Variants in SPEN observed in about 807,000 individuals in gnomAD.
SPEN encodes msx2-interacting protein.
SPEN carries 18 observed loss-of-function variants against 269.9 expected under a neutral mutation model. The ratio of observed to expected loss-of-function variants is 0.07; its 90% CI spans 0.05 to 0.10. SPEN has a LOEUF of 0.10. Among genes scored for constraint, SPEN ranks in the 10% least tolerant of loss-of-function variants. The pLI, the probability that SPEN is intolerant of heterozygous loss-of-function variation, is 1.00. For synonymous variants in SPEN, 1,726 were observed against 1,765.7 expected (o/e 0.98, Z 0.56); for missense variants, 3,822 against 4,631.2 (o/e 0.83, Z 5.07).
At chr1:15,864,489 TAATATTGTAAGCAGTGTTGTAGTAAGCAA>T (rs2070479652) in intron 1 of SPEN, among the ~76,000 whole-genome samples, 1 of 150,500 alleles carries the variant, frequency 6.6e-6, no homozygotes. Context: ...TTTTTTTTTT[TAATATTGTAAGCAGTGTTGTAGTAAGCAA>T]TTTTGTACTC....
intron 3 of SPEN, among the ~76,000 whole-genome samples, chr1:15,885,967 A>G (rs2070733092): frequency 1.3e-5 from 2 of 152,200 alleles, no homozygotes; most frequent in Admixed American, 6.5e-5. Context: ...ATATTAGCCA[A>G]CCAAGCCTTT....
intron 2 of SPEN, 99 bp downstream of exon 2, chr1:15,873,235 C>G: frequency 7.0e-7 from 1 of 1,434,434 alleles, no homozygotes; most frequent in Non-Finnish European, 9.2e-7. Flanking sequence ...AAGTTTTGGG[C>G]ATTCTCAATG....
chr1:15,885,545 C>CT (rs1163353020), intron 3 of SPEN, among the ~76,000 whole-genome samples: 4 of 152,154 alleles, frequency 2.6e-5, no homozygotes, highest in African/African-American at 9.7e-5. Context: ...TAAGTATGCT[C>CT]TTTCCTTAAA....
rs1448719955 is a variant in SPEN at position 15,933,038 on chromosome 1, T to G, written c.6798T>G (p.Asp2266Glu). The G allele has an allele frequency of 1.2e-6, 2 of 1,614,074 alleles. No homozygotes were observed. The highest frequency in any genetic ancestry group is 8.5e-7 in the Non-Finnish European group (1 of 1,179,946). The change falls in exon 11 of 15, where the codon GAT becomes GAG. Residue 2266 changes from aspartate (D) to glutamate (E), a missense_variant. Asp to Glu is a conservative substitution (Grantham distance 45). Around this residue, in one of 16 missense-constraint regions of SPEN, gnomAD observed 727 missense variants for 737.9 expected, o/e 0.99. Coordinates refer to ENST00000375759, the MANE Select transcript of SPEN (RefSeq NM_015001.3). The surrounding 1 kb of genome is among the most constrained non-coding windows in gnomAD (Gnocchi z 5.7). Reference sequence around the variant, plus strand: ...CTTCTGAGGAAGGAATGGAGACAGATGAGGCTGTATCTGGCATCCTGGAAA... The same window carrying G: ...CTTCTGAGGAAGGAATGGAGACAGAGGAGGCTGTATCTGGCATCCTGGAAA... Reference protein sequence around the residue: ...LQPSEEGMETDEAVSGILETE... With the variant: ...LQPSEEGMETEEAVSGILETE...
Position 15,930,040 on chromosome 1 carries a change from G to A in SPEN, c.3800G>A (p.Gly1267Asp), listed in dbSNP as rs778951505. 23 of 1,614,064 alleles carry A rather than the reference G, an allele frequency of 1.4e-5. No individual in the cohort carries two copies. The highest frequency in any genetic ancestry group is 2.7e-5 in the African/African-American group (2 of 74,928). Residue 1267 changes from glycine (G) to aspartate (D), a missense_variant, in exon 11 of 15, where the codon GGT becomes GAT. Physicochemically the swap from Gly to Asp is moderately conservative, Grantham distance 94 (BLOSUM62 -1). Coordinates refer to ENST00000375759, the MANE Select transcript of SPEN (RefSeq NM_015001.3). This position sits in a 1 kb window ranked among gnomAD's most constrained non-coding sequence, Gnocchi z 5.3. ...GGTGGTTCTCCCAGTGTCCGACATG[G>A]TTCCTTCCATGAAGATGAGGATCCC... ...RTGGSPSVRH[G>D]SFHEDEDPIG... is the part of the protein sequence containing the mutation.
intron 11 of SPEN, among the ~76,000 whole-genome samples, chr1:15,936,770 C>T (rs2071279404): frequency 2.0e-5 from 3 of 152,184 alleles, no homozygotes; most frequent in African/African-American, 7.2e-5. Flanking sequence ...AACTCTGTCC[C>T]TACTTAAAGA....
At position 15,937,127 on chromosome 1, in the gene SPEN, C is replaced by T. The variant is rs1337323714; in HGVS notation, c.10027-36C>T. On this transcript the variant is annotated intron_variant, in intron 11 of 14. Coordinates refer to ENST00000375759, the MANE Select transcript of SPEN (RefSeq NM_015001.3). This position sits in a 1 kb window ranked among gnomAD's most constrained non-coding sequence, Gnocchi z 5.7. ...GTCTCAGGGGCTTGTGCACAACAGA[C>T]TGACTCTGTCCCTTTGCCTTCCTTC... 1.0e-5 allele frequency: 16 copies of T among 1,587,470 alleles called. No individual in the cohort carries two copies. The highest frequency in any genetic ancestry group is 1.4e-5 in the Non-Finnish European group (16 of 1,165,052).
chr1:15,898,539 AT>A (rs1036488371), intron 3 of SPEN, among the ~76,000 whole-genome samples: 76 of 144,504 alleles, frequency 5.3e-4, no homozygotes, highest in Non-Finnish European at 8.4e-4. Flanking sequence ...ATTTGTCAAA[AT>A]TTTTTTTTTC....
chr1:15,918,911 C>A lies in SPEN; in HGVS notation c.1396-15C>A, dbSNP rs1402428239. 2 of 1,598,818 alleles carry A rather than the reference C, an allele frequency of 1.3e-6. No homozygotes were observed. Among genetic ancestry groups the A allele is most frequent in the South Asian group, 2.2e-5 (2 of 89,760 alleles). On this transcript the variant is annotated splice_polypyrimidine_tract_variant and intron_variant, in intron 6 of 14. Coordinates refer to ENST00000375759, the MANE Select transcript of SPEN (RefSeq NM_015001.3). ...CTTGGGCATATTGCTAAGTTGTATT[C>A]ATTGGTTTTTTCAGGATATTGACAT...
At position 15,930,700 on chromosome 1, in the gene SPEN, C is replaced by T. The variant is rs1470850649; in HGVS notation, c.4460C>T (p.Pro1487Leu). Reference sequence around the variant, plus strand: ...GATAAAGAAAAGGTTGACTCTGCTCCAAGACCTATTCCATCCTGGTACATG... The same window carrying T: ...GATAAAGAAAAGGTTGACTCTGCTCTAAGACCTATTCCATCCTGGTACATG... ...NKDKEKVDSA[P>L]RPIPSWYMKK... is the part of the protein sequence containing the mutation. The change falls in exon 11 of 15, where the codon CCA becomes CTA. Residue 1487 changes from proline to leucine, a missense_variant. Coordinates refer to ENST00000375759, the MANE Select transcript of SPEN (RefSeq NM_015001.3). This position sits in a 1 kb window ranked among gnomAD's most constrained non-coding sequence, Gnocchi z 5.3. 1 of 1,613,920 alleles carries T rather than the reference C, an allele frequency of 6.2e-7. No homozygotes were observed. Among genetic ancestry groups the T allele is most frequent in the Non-Finnish European group, 8.5e-7 (1 of 1,179,978 alleles).
chr1:15,862,800 C>T (rs1351268170), intron 1 of SPEN, among the ~76,000 whole-genome samples: 8 of 150,706 alleles, frequency 5.3e-5, no homozygotes, highest in Admixed American at 1.3e-4. Flanking sequence ...CTCGCTCTGT[C>T]GCCCAGGCTA....
At chr1:15,887,080 A>G (rs1023066395) in intron 3 of SPEN, among the ~76,000 whole-genome samples, 7 of 150,820 alleles carry the variant, frequency 4.6e-5, no homozygotes, top group African/African-American at 1.7e-4. Context: ...GGCTCAAGCT[A>G]TCATTGCACC....
Position 15,936,177 on chromosome 1 carries a change from A to C in SPEN, c.9937A>C (p.Thr3313Pro). ...FQEYRYGDIR[T>P]YHPPAQLTHT... is the part of the protein sequence containing the mutation. Reference sequence around the variant, plus strand: ...AGAGTACCGGTACGGCGACATCCGCACCTACCACCCCCCGGCCCAGCTCAC... The same window carrying C: ...AGAGTACCGGTACGGCGACATCCGCCCCTACCACCCCCCGGCCCAGCTCAC... Residue 3313 changes from threonine (T) to proline (P), a missense_variant, in exon 11 of 15, where the codon ACC becomes CCC. Coordinates refer to ENST00000375759, the MANE Select transcript of SPEN (RefSeq NM_015001.3). 6.2e-7 allele frequency: 1 copy of C among 1,603,612 alleles called. No individual in the cohort carries two copies. Among genetic ancestry groups the C allele is most frequent in the South Asian group, 1.1e-5 (1 of 90,372 alleles).
chr1:15,856,184 G>T (rs1268028562), intron 1 of SPEN, among the ~76,000 whole-genome samples: 1 of 151,466 alleles, frequency 6.6e-6, no homozygotes, highest in East Asian at 2.0e-4. Flanking sequence ...TAGAGACGGG[G>T]TTTCACCATG....
At chr1:15,906,968 G>T (rs1349584138) in intron 3 of SPEN, among the ~76,000 whole-genome samples, 1 of 151,552 alleles carries the variant, frequency 6.6e-6, no homozygotes, top group Non-Finnish European at 1.5e-5. Context: ...TGTAGGGGAT[G>T]GGGTGTTGCT....
chr1:15,883,766 A>G (rs2070710541), intron 3 of SPEN, among the ~76,000 whole-genome samples: 1 of 148,168 alleles, frequency 6.7e-6, no homozygotes, highest in Non-Finnish European at 1.5e-5. Flanking sequence ...GTTATCTATA[A>G]CCCTATTACT....
At chr1:15,904,211 C>T (rs1443620289) in intron 3 of SPEN, among the ~76,000 whole-genome samples, 1 of 152,048 alleles carries the variant, frequency 6.6e-6, no homozygotes, top group Non-Finnish European at 1.5e-5. Context: ...AGCGCGGTGG[C>T]TTATGCCTGT....
chr1:15,890,567 T>G (rs2148718642), intron 3 of SPEN, among the ~76,000 whole-genome samples: 1 of 151,346 alleles, frequency 6.6e-6, no homozygotes, highest in African/African-American at 2.4e-5. Flanking sequence ...GGTTTTTTTT[T>G]TTTTTTTTTT....
chr1:15,939,186 A>G lies in SPEN; in HGVS notation c.10864-110A>G, dbSNP rs2071311124. 2 of 1,404,890 alleles carry G rather than the reference A, an allele frequency of 1.4e-6. No individual in the cohort carries two copies. Among genetic ancestry groups the G allele is most frequent in the African/African-American group, 2.9e-5 (2 of 68,442 alleles). The allele number at this position is 1,404,890 out of a possible 1,614,324, so 87.0% of individuals were successfully genotyped here. A position where few individuals can be genotyped will look rare whatever the true frequency, so the allele number is the denominator to read the frequency against. On this transcript the variant is annotated intron_variant, in intron 14 of 14. Transcript: ENST00000375759. The surrounding 1 kb of genome is among the most constrained non-coding windows in gnomAD (Gnocchi z 4.1). Reference sequence around the variant, plus strand: ...GTCCTGGCACATTTGCTGGTTGGGGACTGATTTGGCCTGGCTCTTAGCATT... The same window carrying G: ...GTCCTGGCACATTTGCTGGTTGGGGGCTGATTTGGCCTGGCTCTTAGCATT...
Sources: allele counts gnomAD v4.1 joint callset (sites outside exome capture counted in the v4.1 genomes callset), GRCh38; gene constraint gnomAD v4.1.1; regional missense constraint gnomAD v4.1.1; non-coding constraint Gnocchi (gnomAD v3.1); transcripts MANE v1.5; gene names NCBI Gene and HGNC (gene_info 2026-07-23, HGNC 2026-07-21).